Variants in PFKFB2 observed in about 807,000 individuals in gnomAD.
PFKFB2 encodes 6-phosphofructo-2-kinase/fructose-2,6-bisphosphatase 2.
Under a neutral mutation model 68.0 loss-of-function variants are expected in PFKFB2, and 53 were observed. The ratio of observed to expected loss-of-function variants is 0.78; its 90% CI spans 0.63 to 0.98. The LOEUF (loss-of-function observed/expected upper bound fraction) is 0.98. PFKFB2 is among the 50% of genes least tolerant of loss of function. The probability of loss-of-function intolerance (pLI) is 0.00; values close to 1 mark genes in which losing one functional copy is unlikely to be tolerated. For missense variants in PFKFB2, 451 were observed against 642.0 expected, an observed-to-expected ratio of 0.70 and a Z score of 3.22; for synonymous variants, 222 against 227.6, an observed-to-expected ratio of 0.98 and a Z score of 0.22.
intron 1 of PFKFB2, among the ~76,000 whole-genome samples, chr1:207,038,512 T>A (rs756741813): frequency 1.3e-5 from 2 of 152,228 alleles, no homozygotes; most frequent in Non-Finnish European, 2.9e-5. Flanking sequence ...TTCTGCAACA[T>A]CATGTTTGCA....
At chr1:207,038,883 T>C (rs542349526) in intron 1 of PFKFB2, among the ~76,000 whole-genome samples, 2 of 152,342 alleles carry the variant, frequency 1.3e-5, no homozygotes, top group Admixed American at 1.3e-4. Context: ...GGGAAGTTCC[T>C]GGTATGACAT....
At chr1:207,047,688 C>T (rs904224323) in intron 2 of PFKFB2, 1 of 152,564 alleles carries the variant, frequency 6.6e-6, no homozygotes, top group Admixed American at 6.5e-5. Flanking sequence ...AGAGGGTGTG[C>T]CTTGCGGATT....
chr1:207,061,843 C>T, intron 2 of PFKFB2, 110 bp from the exon 3 acceptor site: 1 of 926,590 alleles, frequency 1.1e-6, no homozygotes, highest in South Asian at 1.4e-5. Flanking sequence ...GATCACGCCA[C>T]TGTACTCCAG....
In PFKFB2 at chr1:207,073,603, A is replaced by G. The variant is rs538787061; in HGVS notation, c.*1232A>G. On this transcript the variant is annotated 3_prime_UTR_variant, in exon 15 of 15. Coordinates refer to ENST00000367080, the MANE Select transcript of PFKFB2 (RefSeq NM_006212.2). ...TGAATTTAATCTCTCTCATTGGAGT[A>G]TTCTTTTGTTCATAAAGAGAAACTA... 1.0e-6 allele frequency: 1 copy of G among 985,214 alleles called. No individual in the cohort carries two copies. The highest frequency in any genetic ancestry group is 4.7e-5 in the South Asian group (1 of 21,288). 61.0% of individuals were successfully genotyped at this position (985,214 alleles called of 1,614,324 possible).
intron 13 of PFKFB2, 126 bp downstream of exon 13, chr1:207,071,376 T>G (rs1203212918): frequency 3.8e-6 from 4 of 1,052,942 alleles, no homozygotes; most frequent in Non-Finnish European, 5.9e-6. Context: ...GTGCCTTCTG[T>G]TTTGAAAGGG....
At chr1:207,046,953 G>A (rs915816058) in intron 2 of PFKFB2, 2 of 151,612 alleles carry the variant, frequency 1.3e-5, no homozygotes, top group Non-Finnish European at 2.9e-5. Context: ...TCTGTGTCCT[G>A]AAGTAGCAAA....
chr1:207,051,241 C>T (rs950586700), upstream of PFKFB2, among the ~76,000 whole-genome samples: 1 of 152,106 alleles, frequency 6.6e-6, no homozygotes, highest in African/African-American at 2.4e-5. Context: ...CATATATGCT[C>T]AAGAAAAGAG....
In PFKFB2 at chr1:207,063,807, A is replaced by T; in HGVS notation, c.485A>T (p.Asp162Val). 6.2e-7 allele frequency: 1 copy of T among 1,613,262 alleles called. No homozygotes were observed. The highest frequency in any genetic ancestry group is 8.5e-7 in the Non-Finnish European group (1 of 1,179,754). The change falls in exon 7 of 15, where the codon GAT (aspartate) becomes GTT (valine). Residue 162 changes from aspartate (D) to valine (V), a missense_variant. Physicochemically the swap from Asp to Val is radical, Grantham distance 152. Transcript: ENST00000367080. The surrounding 1 kb of genome is among the most constrained non-coding windows in gnomAD (Gnocchi z 4.1). ...GTGGAATCCGTCTGTGATGATCCTG[A>T]TGTCATTGCTGCCAATATTCTGGTT... ...FFVESVCDDP[D>V]VIAANILEVK...
At chr1:207,040,862 T>G (rs1007911608) in intron 1 of PFKFB2, among the ~76,000 whole-genome samples, 2 of 151,528 alleles carry the variant, frequency 1.3e-5, no homozygotes, top group Non-Finnish European at 2.9e-5. Flanking sequence ...AATGGGATGG[T>G]AAAGAGGACA....
chr1:207,049,734 T>A, upstream of PFKFB2: 1 of 1,599,350 alleles, frequency 6.3e-7, no homozygotes, highest in Non-Finnish European at 8.5e-7. Context: ...CTGTTAAAAA[T>A]AAAACAAATC....
At chr1:207,053,918 T>C (rs2102334799) in intron 1 of PFKFB2, among the ~76,000 whole-genome samples, 1 of 146,230 alleles carries the variant, frequency 6.8e-6, no homozygotes, top group East Asian at 2.0e-4. Context: ...TTTTTTTTTT[T>C]TTTTTTGACA....
chr1:207,073,091 C>G lies in PFKFB2; in HGVS notation c.*720C>G, dbSNP rs1683516854. 1 of 985,362 alleles carries G rather than the reference C, an allele frequency of 1.0e-6. No homozygotes were observed. Among genetic ancestry groups the G allele is most frequent in the Non-Finnish European group, 1.2e-6 (1 of 829,970 alleles). The allele number at this position is 985,362 out of a possible 1,614,324, so 61.0% of individuals were successfully genotyped here. On this transcript the variant is annotated 3_prime_UTR_variant, in exon 15 of 15. Transcript: ENST00000367080. ...AGGACATCCACAGAATATTCTGGAG[C>G]TTGCAAGTAGACATAGGGTGAGAGT...
At chr1:207,065,394 A>T (rs1472127235) in intron 8 of PFKFB2, 12 of 819,214 alleles carry the variant, frequency 1.5e-5, no homozygotes, top group Non-Finnish European at 1.6e-5. Context: ...TCTGTCACCC[A>T]GGCTGGAGTG....
At chr1:207,048,589 C>T (rs888442013), upstream of PFKFB2, 1 of 160,370 alleles carries the variant, frequency 6.2e-6, no homozygotes, top group Non-Finnish European at 1.4e-5. Flanking sequence ...ATGCTTTCTT[C>T]TACAAGTTAA....
At chr1:207,055,353 T>C (rs965432488) in intron 2 of PFKFB2, among the ~76,000 whole-genome samples, 2 of 152,202 alleles carry the variant, frequency 1.3e-5, no homozygotes, top group African/African-American at 4.8e-5. Context: ...TAAACTATTT[T>C]CCCTATAGGT....
chr1:207,049,593 G>A (rs1682683744), upstream of PFKFB2: 3 of 1,614,212 alleles, frequency 1.9e-6, no homozygotes, highest in South Asian at 1.1e-5. Flanking sequence ...AGAGGCAAGA[G>A]TTGTCTGCTG....
chr1:207,066,879 C>T (rs1683303732), intron 8 of PFKFB2, among the ~76,000 whole-genome samples: 1 of 152,126 alleles, frequency 6.6e-6, no homozygotes, highest in Admixed American at 6.5e-5. Context: ...TTCTCAAACT[C>T]CTGATCTCCT....
At chr1:207,068,967 G>T (rs1683387269) in intron 10 of PFKFB2, among the ~76,000 whole-genome samples, 1 of 152,104 alleles carries the variant, frequency 6.6e-6, no homozygotes, top group African/African-American at 2.4e-5. Flanking sequence ...GGCTGGTCTT[G>T]AACTCCTGAC....
Position 207,076,153 on chromosome 1 carries a change from T to C in PFKFB2, c.*3782T>C. The stretch of plus-strand genomic sequence containing the variant: ...TTCCATATGAGGATCTGGGTAATCC[T>C]CTTTGCAACCCACATTTGGTCTTCA... On this transcript the variant is annotated 3_prime_UTR_variant, in exon 15 of 15. Transcript: ENST00000367080. The C allele has an allele frequency of 1.0e-6, 1 of 985,326 alleles. No individual in the cohort carries two copies. Among genetic ancestry groups the C allele is most frequent in the Non-Finnish European group, 1.2e-6 (1 of 829,824 alleles). 61.0% of individuals were successfully genotyped at this position (985,326 alleles called of 1,614,324 possible).
Sources: allele counts gnomAD v4.1 joint callset (sites outside exome capture counted in the v4.1 genomes callset), GRCh38; gene constraint gnomAD v4.1.1; non-coding constraint Gnocchi (gnomAD v3.1); transcripts MANE v1.5; gene names NCBI Gene and HGNC (gene_info 2026-07-23, HGNC 2026-07-21).